ERBB4: variants seen among roughly 807,000 people sequenced by gnomAD.
ERBB4 encodes the protein erb-b2 receptor tyrosine kinase 4.
A neutral mutation model predicts 158.0 loss-of-function variants in ERBB4; 42 were observed. The observed-to-expected ratio is 0.27, with a 90% CI of 0.21 to 0.34. The LOEUF (loss-of-function observed/expected upper bound fraction) is 0.34, where lower values mean the gene tolerates loss of function less well. ERBB4 is among the 10% of genes least tolerant of loss of function. The probability of loss-of-function intolerance (pLI) is 1.00; values close to 1 mark genes in which losing one functional copy is unlikely to be tolerated. For synonymous variants in ERBB4, 583 were observed against 558.7 expected (o/e 1.04, Z -0.61); for missense variants, 1,333 against 1,624.1 (o/e 0.82, Z 3.08).
At chr2:212,055,077 C>T (rs562519760) in intron 2 of ERBB4, among the ~76,000 whole-genome samples, 1 of 152,226 alleles carries the variant, frequency 6.6e-6, no homozygotes, top group East Asian at 1.9e-4. Context: ...CGGATGGCAC[C>T]TGGAAAATCG....
At chr2:212,205,477 C>T (rs550590583) in intron 1 of ERBB4, among the ~76,000 whole-genome samples, 47 of 152,158 alleles carry the variant, frequency 3.1e-4, no homozygotes, top group African/African-American at 8.2e-4. Flanking sequence ...AAAAAACAAA[C>T]GGTCATTTTA....
At chr2:211,637,697 T>C (rs1007238183) in intron 16 of ERBB4, among the ~76,000 whole-genome samples, 3 of 152,016 alleles carry the variant, frequency 2.0e-5, no homozygotes, top group Admixed American at 6.6e-5. Flanking sequence ...ACATACATTG[T>C]ATAGTTTCAC....
intron 1 of ERBB4, among the ~76,000 whole-genome samples, chr2:212,296,851 C>T (rs1165951806): frequency 6.6e-6 from 1 of 151,966 alleles, no homozygotes; most frequent in Non-Finnish European, 1.5e-5. Flanking sequence ...CACCCACCAA[C>T]TCCATCCTAA....
intron 20 of ERBB4, among the ~76,000 whole-genome samples, chr2:211,452,952 T>C (rs2064287181): frequency 6.6e-6 from 1 of 152,216 alleles, no homozygotes; most frequent in Non-Finnish European, 1.5e-5. Flanking sequence ...AGTGTTTTAA[T>C]ATAGTTAGAA....
At chr2:212,219,444 A>T (rs1219298180) in intron 1 of ERBB4, among the ~76,000 whole-genome samples, 1 of 151,368 alleles carries the variant, frequency 6.6e-6, no homozygotes, top group Non-Finnish European at 1.5e-5. Flanking sequence ...TTTCTATATT[A>T]TTTAATAAAA....
intron 4 of ERBB4, among the ~76,000 whole-genome samples, chr2:211,769,035 T>G (rs538037722): frequency 6.6e-6 from 1 of 152,340 alleles, no homozygotes; most frequent in Admixed American, 6.5e-5. Context: ...CTGAATGCCT[T>G]TAGCAGCACC....
chr2:212,389,568 TACTTTAGCAA>T (rs1412590271), intron 1 of ERBB4, among the ~76,000 whole-genome samples: 1 of 152,028 alleles, frequency 6.6e-6, no homozygotes, highest in African/African-American at 2.4e-5. Flanking sequence ...CTTTATACAA[TACTTTAGCAA>T]ATATGGAACA....
chr2:212,397,178 A>G (rs1266488517), intron 1 of ERBB4, among the ~76,000 whole-genome samples: 1 of 152,090 alleles, frequency 6.6e-6, no homozygotes, highest in African/African-American at 2.4e-5. Flanking sequence ...TGGCCTTTTA[A>G]AATACATATT....
intron 1 of ERBB4, among the ~76,000 whole-genome samples, chr2:212,353,359 A>G (rs1312389425): frequency 1.3e-5 from 2 of 150,320 alleles, no homozygotes; most frequent in African/African-American, 2.4e-5. Context: ...ATATGTACAA[A>G]TGTACGTATT....
intron 3 of ERBB4, among the ~76,000 whole-genome samples, chr2:211,795,155 T>C (rs1011227535): frequency 2.0e-5 from 3 of 151,830 alleles, no homozygotes; most frequent in Admixed American, 1.3e-4. Context: ...TAATATACTC[T>C]AGGTAGGTGG....
intron 1 of ERBB4, among the ~76,000 whole-genome samples, chr2:212,367,045 A>C (rs2089914894): frequency 6.6e-6 from 1 of 152,054 alleles, no homozygotes; most frequent in South Asian, 2.1e-4. Flanking sequence ...ATCTGATAGG[A>C]CTGGTGTCCT....
chr2:212,419,080 CTAT>C (rs2091728971), intron 1 of ERBB4, among the ~76,000 whole-genome samples: 2 of 144,508 alleles, frequency 1.4e-5, no homozygotes, highest in African/African-American at 5.0e-5. Flanking sequence ...TAACTTCTTA[CTAT>C]GTATACAGTA....
At chr2:212,044,452 C>T (rs1245532278) in intron 2 of ERBB4, among the ~76,000 whole-genome samples, 1 of 152,036 alleles carries the variant, frequency 6.6e-6, no homozygotes, top group Admixed American at 6.6e-5. Flanking sequence ...CCTAACCCTC[C>T]CCCTTTTGAA....
At chr2:212,000,652 T>C (rs1224013969) in intron 2 of ERBB4, among the ~76,000 whole-genome samples, 3 of 151,808 alleles carry the variant, frequency 2.0e-5, no homozygotes, top group Admixed American at 1.3e-4. Context: ...CTCCTATAGC[T>C]GAAATTTAAA....
intron 2 of ERBB4, among the ~76,000 whole-genome samples, chr2:211,971,599 A>G (rs2081455056): frequency 6.6e-6 from 1 of 152,182 alleles, no homozygotes; most frequent in Non-Finnish European, 1.5e-5. Flanking sequence ...AGACACACGC[A>G]AAAAAGAAAA....
intron 2 of ERBB4, among the ~76,000 whole-genome samples, chr2:211,962,809 G>C (rs149143977): frequency 3.3e-4 from 50 of 152,138 alleles, no homozygotes; most frequent in African/African-American, 1.2e-3. Flanking sequence ...AAATGACTGA[G>C]GTTTTTAGCT....
chr2:212,390,139 C>A (rs978132100), intron 1 of ERBB4, among the ~76,000 whole-genome samples: 1 of 151,764 alleles, frequency 6.6e-6, no homozygotes, highest in Admixed American at 6.6e-5. Flanking sequence ...ACTTATGTAA[C>A]TGTAAATTAA....
chr2:211,597,927 CTATTT>C (rs2068687906), intron 19 of ERBB4, among the ~76,000 whole-genome samples: 1 of 152,116 alleles, frequency 6.6e-6, no homozygotes, highest in African/African-American at 2.4e-5. Flanking sequence ...ATAAGAGAAT[CTATTT>C]TATTTCATTA....
intron 2 of ERBB4, among the ~76,000 whole-genome samples, chr2:212,070,398 G>A (rs988858360): frequency 6.6e-6 from 1 of 151,964 alleles, no homozygotes; most frequent in Non-Finnish European, 1.5e-5. Flanking sequence ...AGTCAAAACA[G>A]TCTTTATAAA....
Sources: gnomAD v4.1 joint callset for allele counts (sites outside exome capture counted in the v4.1 genomes callset) on GRCh38, gnomAD v4.1.1 for gene constraint, MANE v1.5 for transcripts, NCBI Gene and HGNC (gene_info 2026-07-23, HGNC 2026-07-21) for gene names.